The following NBEA variants were observed in gnomAD, a reference collection of about 807,000 sequenced individuals.
NBEA encodes neurobeachin.
A neutral mutation model predicts 343.4 loss-of-function variants in NBEA; 44 were observed. That is an observed-to-expected ratio of 0.13 (90% CI 0.10 to 0.16). NBEA has a LOEUF of 0.16. NBEA is among the 10% of genes least tolerant of loss of function. The pLI is 1.00. For missense variants in NBEA, 2,555 were observed against 3,631.3 expected (o/e 0.70, Z 7.62); for synonymous variants, 1,175 against 1,238.7 (o/e 0.95, Z 1.08).
chr13:35,432,179 C>A, intron 38 of NBEA, 90 bp from the exon 39 acceptor site: 1 of 1,122,026 alleles, frequency 8.9e-7, no homozygotes, highest in Non-Finnish European at 1.2e-6. Context: ...TTCAATGAGA[C>A]CAACAAAATA....
At chr13:35,400,957 C>A (rs2042976947) in intron 38 of NBEA, among the ~76,000 whole-genome samples, 1 of 151,858 alleles carries the variant, frequency 6.6e-6, no homozygotes, top group African/African-American at 2.4e-5. Context: ...GCACATCCCT[C>A]TTTATCATTA....
chr13:35,195,069 T>A (rs1159777224), intron 30 of NBEA, among the ~76,000 whole-genome samples: 1 of 152,150 alleles, frequency 6.6e-6, no homozygotes, highest in East Asian at 1.9e-4. Flanking sequence ...ATTGTAATTT[T>A]AAAATGATCT....
intron 10 of NBEA, among the ~76,000 whole-genome samples, chr13:35,077,241 C>T (rs1046101606): frequency 1.3e-5 from 2 of 152,094 alleles, no homozygotes; most frequent in Non-Finnish European, 2.9e-5. Context: ...CTGGTAACTT[C>T]CAGTGCTTAT....
At chr13:35,594,547 A>T (rs1379866957) in intron 47 of NBEA, among the ~76,000 whole-genome samples, 1 of 152,128 alleles carries the variant, frequency 6.6e-6, no homozygotes, top group East Asian at 1.9e-4. Flanking sequence ...TTGTAAAAAA[A>T]ATAAGAGAAT....
intron 33 of NBEA, among the ~76,000 whole-genome samples, chr13:35,226,387 A>G (rs990976385): frequency 3.3e-5 from 5 of 152,148 alleles, no homozygotes; most frequent in African/African-American, 1.2e-4. Context: ...CTCTCCAGGG[A>G]AAGAATGTCT....
intron 48 of NBEA, among the ~76,000 whole-genome samples, chr13:35,616,475 T>G (rs1478400218): frequency 6.6e-6 from 1 of 152,246 alleles, no homozygotes; most frequent in African/African-American, 2.4e-5. Flanking sequence ...CACTCTGGTC[T>G]GTCTCAGTAC....
intron 1 of NBEA, among the ~76,000 whole-genome samples, chr13:35,034,298 T>C (rs753875870): frequency 4.0e-5 from 6 of 151,874 alleles, no homozygotes; most frequent in Admixed American, 1.3e-4. Flanking sequence ...TCTGCTGATA[T>C]GATGTATCAG....
At chr13:35,517,149 C>T (rs1209803194) in intron 41 of NBEA, among the ~76,000 whole-genome samples, 2 of 152,168 alleles carry the variant, frequency 1.3e-5, no homozygotes, top group African/African-American at 4.8e-5. Flanking sequence ...ACATTTGACA[C>T]TGAGCTTCCG....
chr13:34,952,960 T>C (rs2059392851), intron 1 of NBEA, among the ~76,000 whole-genome samples: 1 of 152,126 alleles, frequency 6.6e-6, no homozygotes, highest in Admixed American at 6.6e-5. Context: ...AAGGAGCTTG[T>C]CCAAGATGGC....
At chr13:35,091,422 A>T (rs1313686151) in intron 10 of NBEA, among the ~76,000 whole-genome samples, 3 of 152,010 alleles carry the variant, frequency 2.0e-5, no homozygotes, top group Admixed American at 2.0e-4. Flanking sequence ...ACATGGATCT[A>T]ATCCAAATTA....
At chr13:35,608,038 T>C (rs2082353048) in intron 48 of NBEA, among the ~76,000 whole-genome samples, 1 of 152,218 alleles carries the variant, frequency 6.6e-6, no homozygotes, top group Non-Finnish European at 1.5e-5. Context: ...TTTTGGACTT[T>C]ACTGTCAGTC....
rs191637799 is a variant in NBEA, at chr13:35,518,001, T to C, written c.6586-32476T>C. Among the ~76,000 whole-genome samples, 522 of 152,304 alleles carry C rather than the reference T, an allele frequency of 3.4e-3. 3 individuals carry two copies. Among genetic ancestry groups the C allele is most frequent in the Non-Finnish European group, 5.8e-3 (394 of 68,014 alleles). ...TGAAATTTAATATTAACCTTTTGATTATTTGACACTCTTGAATGTATTTTC... is the reference window on the plus strand; with the variant it reads ...TGAAATTTAATATTAACCTTTTGATCATTTGACACTCTTGAATGTATTTTC... On this transcript the variant is annotated intron_variant, in intron 41 of 58. Coordinates refer to ENST00000379939, the MANE Select transcript of NBEA (RefSeq NM_001385012.1).
At chr13:35,509,435 A>G (rs1467673652) in intron 41 of NBEA, among the ~76,000 whole-genome samples, 1 of 152,082 alleles carries the variant, frequency 6.6e-6, no homozygotes, top group Non-Finnish European at 1.5e-5. Flanking sequence ...AGTATATGTA[A>G]GGGAATGGGG....
intron 11 of NBEA, among the ~76,000 whole-genome samples, chr13:35,104,301 A>G (rs1442641625): frequency 6.6e-6 from 1 of 151,984 alleles, no homozygotes; most frequent in Non-Finnish European, 1.5e-5. Context: ...GTGTTTACCT[A>G]TGCTGCTAAT....
intron 38 of NBEA, among the ~76,000 whole-genome samples, chr13:35,420,951 G>C (rs2044234573): frequency 6.6e-6 from 1 of 151,432 alleles, no homozygotes; most frequent in Non-Finnish European, 1.5e-5. Flanking sequence ...ACAGCTCTTT[G>C]TTTTTGTTAA....
intron 43 of NBEA, among the ~76,000 whole-genome samples, chr13:35,551,824 A>G (rs1007361102): frequency 2.6e-5 from 4 of 152,196 alleles, no homozygotes; most frequent in African/African-American, 9.6e-5. Flanking sequence ...TAGGAAAAAG[A>G]CACAAAGGAT....
intron 51 of NBEA, among the ~76,000 whole-genome samples, chr13:35,647,163 G>A (rs2084275394): frequency 6.6e-6 from 1 of 152,118 alleles, no homozygotes; most frequent in African/African-American, 2.4e-5. Context: ...TTAGCAAATA[G>A]TAAACATTTT....
intron 31 of NBEA, among the ~76,000 whole-genome samples, chr13:35,204,286 T>C (rs2073224520): frequency 6.6e-6 from 1 of 152,168 alleles, no homozygotes; most frequent in Non-Finnish European, 1.5e-5. Flanking sequence ...TTCACACTGC[T>C]GATAAAGACA....
At chr13:35,566,276 G>A (rs2080132277) in intron 44 of NBEA, among the ~76,000 whole-genome samples, 2 of 152,070 alleles carry the variant, frequency 1.3e-5, no homozygotes, top group Non-Finnish European at 2.9e-5. Flanking sequence ...CAGGAGAATC[G>A]CTTGAACCCG....
Sources: allele counts gnomAD v4.1 joint callset (sites outside exome capture counted in the v4.1 genomes callset), GRCh38; gene constraint gnomAD v4.1.1; transcripts MANE v1.5; gene names NCBI Gene and HGNC (gene_info 2026-07-23, HGNC 2026-07-21).